DIPK2B: variants seen among roughly 807,000 people sequenced by gnomAD.
DIPK2B encodes the protein UPF0672 protein CXorf36.
A neutral mutation model predicts 22.2 loss-of-function variants in DIPK2B; 15 were observed. That is an observed-to-expected ratio of 0.68 (90% CI 0.45 to 1.04). DIPK2B has a LOEUF of 1.04. Ranked by LOEUF, DIPK2B falls within the 50% of genes least tolerant of loss-of-function variation. The pLI is 0.00. For missense variants in DIPK2B, 345 were observed against 348.3 expected, an observed-to-expected ratio of 0.99 and a Z score of 0.08; for synonymous variants, 163 against 153.2, an observed-to-expected ratio of 1.06 and a Z score of -0.47.
Position 45,157,833 on chromosome X carries a change from A to C in DIPK2B, c.554T>G (p.Val185Gly). 3 of 1,170,619 alleles carry C rather than the reference A, an allele frequency of 2.6e-6. No individual in the cohort carries two copies. Among genetic ancestry groups the C allele is most frequent in the Non-Finnish European group, 3.4e-6 (3 of 875,874 alleles). Reference sequence around the variant, plus strand: ...GTCGGCCACCTCTGCATAGCGCCTGACCACGCGATCCAGGAGTCGCTGCGA... The same window carrying C: ...GTCGGCCACCTCTGCATAGCGCCTGCCCACGCGATCCAGGAGTCGCTGCGA... ...CPSQRLLDRV[V>G]RRYAEVADAG... Residue 185 changes from valine (V) to glycine (G), a missense_variant, in exon 3 of 5, where the codon GTC (valine) becomes GGC (glycine). By Grantham distance (109) the Val-to-Gly change is moderately radical. Transcript: ENST00000398000.
chrX:45,171,192 G>GT (rs767153835), intron 2 of DIPK2B, among the ~76,000 whole-genome samples: 15 of 110,847 alleles, frequency 1.4e-4, no homozygotes, highest in Non-Finnish European at 2.8e-4. Context: ...TATGGCAGGT[G>GT]TAACGAGTCT....
intron 2 of DIPK2B, among the ~76,000 whole-genome samples, chrX:45,174,751 A>G (rs1250931548): frequency 9.0e-6 from 1 of 111,345 alleles, no homozygotes; most frequent in Non-Finnish European, 1.9e-5. Context: ...GCTCTTGAAC[A>G]TCACATGTAG....
At chrX:45,193,360 G>A (rs931288824) in intron 1 of DIPK2B, among the ~76,000 whole-genome samples, 2 of 112,169 alleles carry the variant, frequency 1.8e-5, no homozygotes, top group Admixed American at 1.9e-4. Context: ...GCCACCCCAT[G>A]ATAATGAGTT....
chrX:45,200,024 C>G (rs1288978023), intron 1 of DIPK2B, among the ~76,000 whole-genome samples: 1 of 112,104 alleles, frequency 8.9e-6, no homozygotes, highest in Non-Finnish European at 1.9e-5. Context: ...GCTACTTATT[C>G]GGTGGTGACC....
chrX:45,162,444 T>C (rs1310810751), intron 2 of DIPK2B: 1 of 754,209 alleles, frequency 1.3e-6, no homozygotes, highest in Non-Finnish European at 1.6e-6. Flanking sequence ...AACCCCTCCC[T>C]TTATGATGGA....
At chrX:45,153,474 T>TTGTGTG (rs34281975) in intron 4 of DIPK2B, among the ~76,000 whole-genome samples, 1,835 of 73,829 alleles carry the variant, frequency 0.025, 49 homozygotes, top group Middle Eastern at 0.067. Flanking sequence ...CCCAAAAGTT[T>TTGTGTG]TGTGTGTGTG....
rs1260053586 is a variant in DIPK2B, at chrX:45,164,250, C to T, written c.499-6362G>A. ...GTTCTCTCTGGCCCTGGTGACAGTC[C>T]TGAAAATTTAAAATGATTGATTAAA... is the stretch of plus-strand genomic sequence containing the variant. On this transcript the variant is annotated intron_variant, in intron 2 of 4. Coordinates refer to ENST00000398000, the MANE Select transcript of DIPK2B (RefSeq NM_176819.4). 1 of 1,194,504 alleles carries T rather than the reference C, an allele frequency of 8.4e-7. No individual in the cohort carries two copies. Among genetic ancestry groups the T allele is most frequent in the African/African-American group, 1.8e-5 (1 of 56,657 alleles).
At position 45,191,760 on chromosome X, in the gene DIPK2B, G is replaced by A; in HGVS notation, c.489C>T (p.Asp163=). 8.3e-7 allele frequency: 1 copy of A among 1,210,761 alleles called. No homozygotes were observed. Among genetic ancestry groups the A allele is most frequent in the Non-Finnish European group, 1.1e-6 (1 of 895,301 alleles). Residue 163 remains aspartate, a synonymous_variant, in exon 2 of 5, where the codon GAC becomes GAT. Transcript: ENST00000398000. ...TGGCCTTCACACTCACCTGCACCAG[G>A]TCCGGCGTGAGGCGCTTGGCCTGCA... The part of the protein sequence containing the change: ...KWLQAKRLTP[D]LVQGLASPLL...
chrX:45,149,556 T>C lies in DIPK2B; in HGVS notation c.*2096A>G, dbSNP rs1333557542. ...CTAGGTACTCCACAAAATAAGGCTT[T>C]TCTGGGGTCCATTTTTGAATGGGAG... On this transcript the variant is annotated 3_prime_UTR_variant, in exon 5 of 5. Coordinates refer to ENST00000398000, the MANE Select transcript of DIPK2B (RefSeq NM_176819.4). The C allele has an allele frequency of 1.8e-5, 2 of 112,965 alleles. No homozygotes were observed. Among genetic ancestry groups the C allele is most frequent in the Admixed American group, 9.4e-5 (1 of 10,685 alleles). The allele number at this position is 112,965 out of a possible 1,213,427, so 9.3% of individuals were successfully genotyped here.
chrX:45,161,060 G>T (rs1444908660), intron 2 of DIPK2B, among the ~76,000 whole-genome samples: 1 of 111,691 alleles, frequency 9.0e-6, no homozygotes, highest in Non-Finnish European at 1.9e-5. Context: ...AGAGGATGTA[G>T]CTTTCTTCAC....
At chrX:45,184,827 G>A (rs1179149050) in intron 2 of DIPK2B, among the ~76,000 whole-genome samples, 3 of 111,808 alleles carry the variant, frequency 2.7e-5, no homozygotes, top group African/African-American at 6.5e-5. Flanking sequence ...CATAGTTTGG[G>A]GAAATATAGA....
chrX:45,192,339 T>C (rs1046398680), intron 1 of DIPK2B, among the ~76,000 whole-genome samples: 40 of 111,261 alleles, frequency 3.6e-4, no homozygotes, highest in African/African-American at 1.2e-3. Context: ...CATTTTTGAT[T>C]CCCCTAATCC....
chrX:45,151,578 T>G lies in DIPK2B; in HGVS notation c.*74A>C. ...TCTTTAAAAAAGAGCTGCTTCTTTCTACCTTGCAGCAACCCGACTGGGAGA... is the reference window on the plus strand; with the variant it reads ...TCTTTAAAAAAGAGCTGCTTCTTTCGACCTTGCAGCAACCCGACTGGGAGA... On this transcript the variant is annotated 3_prime_UTR_variant, in exon 5 of 5. Transcript: ENST00000398000. The G allele has an allele frequency of 1.0e-6, 1 of 992,133 alleles. No homozygotes were observed. The highest frequency in any genetic ancestry group is 1.4e-6 in the Non-Finnish European group (1 of 722,016). The allele number at this position is 992,133 out of a possible 1,213,427, so 81.8% of individuals were successfully genotyped here.
At chrX:45,158,540 G>A (rs915076714) in intron 2 of DIPK2B, among the ~76,000 whole-genome samples, 11 of 107,047 alleles carry the variant, frequency 1.0e-4, no homozygotes, top group Admixed American at 7.8e-4. Context: ...ATAAGACTTG[G>A]AGATACGAAC....
rs759584364 is a variant in DIPK2B at position 45,153,946 on chromosome X, C to T, written c.925G>A (p.Asp309Asn). Residue 309 changes from aspartate to asparagine, a missense_variant, in exon 4 of 5, where the codon GAT becomes AAT. Asp to Asn is a conservative substitution (Grantham distance 23). Coordinates refer to ENST00000398000, the MANE Select transcript of DIPK2B (RefSeq NM_176819.4). ...TCGATGACGCCCACTGCACTGGCAT[C>T]CCGGATGAACAGATGCCCGTTGTTA... Reference protein sequence around the residue: ...VFNNGHLFIRDASAVGVIDKQ... With the variant: ...VFNNGHLFIRNASAVGVIDKQ... 1.2e-5 allele frequency: 14 copies of T among 1,208,320 alleles called. No individual in the cohort carries two copies. Among genetic ancestry groups the T allele is most frequent in the East Asian group, 3.0e-5 (1 of 33,732 alleles).
intron 2 of DIPK2B, among the ~76,000 whole-genome samples, chrX:45,168,969 T>C (rs1293169253): frequency 2.7e-5 from 3 of 112,195 alleles, no homozygotes; most frequent in Non-Finnish European, 5.6e-5. Flanking sequence ...TGGCATGACC[T>C]GAGGCAAGTT....
rs147111017 is a variant in DIPK2B at position 45,174,896 on chromosome X, A to G, written c.498+16855T>C. Among the ~76,000 whole-genome samples, 493 of 112,134 alleles carry G rather than the reference A, an allele frequency of 4.4e-3. 4 individuals are homozygous for G. The highest frequency in any genetic ancestry group is 0.015 in the African/African-American group (467 of 30,842). ...TTCAATATGGCAATATGTATTCAAA[A>G]GTGTAAAAACATTTATACCCCTTGA... is the stretch of plus-strand genomic sequence containing the variant. On this transcript the variant is annotated intron_variant, in intron 2 of 4. Transcript: ENST00000398000.
At chrX:45,183,793 A>G (rs1372032584) in intron 2 of DIPK2B, among the ~76,000 whole-genome samples, 1 of 112,103 alleles carries the variant, frequency 8.9e-6, no homozygotes, top group Non-Finnish European at 1.9e-5. Context: ...ATGATTAGTA[A>G]TTGGTTAACT....
chrX:45,160,282 A>G lies in DIPK2B; in HGVS notation c.499-2394T>C, dbSNP rs747251411. Among the ~76,000 whole-genome samples, 25 of 109,216 alleles carry G rather than the reference A, an allele frequency of 2.3e-4. No individual in the cohort carries two copies. In the East Asian group the frequency reaches 5.8e-3, roughly 25 times the overall value. 94.8% of individuals were successfully genotyped at this position (109,216 alleles called of 115,157 possible). ...GAATGTAATGGTGCAATATCAGCTC[A>G]CTGCAACCTCCGGCTCCCAGGTTCA... is the stretch of plus-strand genomic sequence containing the variant. On this transcript the variant is annotated intron_variant, in intron 2 of 4. Coordinates refer to ENST00000398000, the MANE Select transcript of DIPK2B (RefSeq NM_176819.4).
Sources: allele counts gnomAD v4.1 joint callset (sites outside exome capture counted in the v4.1 genomes callset), GRCh38; gene constraint gnomAD v4.1.1; transcripts MANE v1.5; gene names NCBI Gene and HGNC (gene_info 2026-07-23, HGNC 2026-07-21).